The following MED12L variants were observed in gnomAD, a reference collection of about 807,000 sequenced individuals.
MED12L encodes the protein mediator complex subunit 12L.
In MED12L, 60 loss-of-function variants were observed where a neutral mutation model predicts 281.3. The ratio of observed to expected loss-of-function variants is 0.21; its 90% CI spans 0.17 to 0.26. The LOEUF (loss-of-function observed/expected upper bound fraction) is 0.26. Among genes scored for constraint, MED12L ranks in the 10% least tolerant of loss-of-function variants. The pLI is 1.00. For missense variants in MED12L, 2,146 were observed against 2,680.9 expected (o/e 0.80, Z 4.41); for synonymous variants, 974 against 987.2 (o/e 0.99, Z 0.25).
chr3:151,321,004 G>A (rs1748935554), intron 16 of MED12L, among the ~76,000 whole-genome samples: 1 of 152,134 alleles, frequency 6.6e-6, no homozygotes, highest in African/African-American at 2.4e-5. Context: ...ACAGTGTTTG[G>A]AACTTGGTTG....
chr3:151,252,867 A>G (rs1335948684), intron 16 of MED12L, among the ~76,000 whole-genome samples: 3 of 152,152 alleles, frequency 2.0e-5, no homozygotes, highest in African/African-American at 7.2e-5. Context: ...GGTTGTGTGG[A>G]TCAAACCTAG....
intron 16 of MED12L, among the ~76,000 whole-genome samples, chr3:151,202,865 G>A (rs866358420): frequency 6.6e-5 from 10 of 152,116 alleles, no homozygotes; most frequent in South Asian, 4.1e-4. Flanking sequence ...AGTTATGCTC[G>A]CTCAGGTATT....
At chr3:151,146,993 A>C (rs1033406633) in intron 5 of MED12L, among the ~76,000 whole-genome samples, 3 of 152,198 alleles carry the variant, frequency 2.0e-5, no homozygotes, top group Non-Finnish European at 4.4e-5. Flanking sequence ...ACTACTTTTC[A>C]TTCCCCATGT....
At chr3:151,423,033 A>T (rs556592551) in intron 43 of MED12L, among the ~76,000 whole-genome samples, 148 of 146,020 alleles carry the variant, frequency 1.0e-3, no homozygotes, top group African/African-American at 3.6e-3. Flanking sequence ...ATATATATAT[A>T]TTTTGAAACG....
intron 16 of MED12L, chr3:151,328,997 T>C (rs749980757): frequency 6.3e-7 from 1 of 1,592,644 alleles, no homozygotes; most frequent in South Asian, 1.1e-5. Flanking sequence ...GTTCATTGCT[T>C]CCAGTGTCAC....
chr3:151,097,066 C>A (rs757874619), intron 2 of MED12L, among the ~76,000 whole-genome samples: 11 of 152,178 alleles, frequency 7.2e-5, no homozygotes, highest in Non-Finnish European at 1.5e-4. Context: ...GTTCCCAGAC[C>A]TATCTGCAGC....
chr3:151,414,760 T>C (rs560469870), intron 42 of MED12L, among the ~76,000 whole-genome samples: 2 of 152,274 alleles, frequency 1.3e-5, no homozygotes, highest in Admixed American at 1.3e-4. Context: ...GGTAACCGAT[T>C]AGGAGAGTAT....
Position 151,378,015 on chromosome 3 carries a change from C to A in MED12L, c.4320C>A (p.Ser1440=). ...TAACACCTGTTTCTGATTTTAGTTC[C>A]TCCGAACGCAGGGGTGTATGGTTGG... The part of the protein sequence containing the change: ...RQNGIKTFLS[S]SERRGVWLVA... Residue 1440 remains serine, a synonymous_variant, in exon 31 of 45, where the codon TCC becomes TCA. Coordinates refer to ENST00000687756, the MANE Select transcript of MED12L (RefSeq NM_001393769.1). 6.3e-7 allele frequency: 1 copy of A among 1,595,134 alleles called. No homozygotes were observed. Among genetic ancestry groups the A allele is most frequent in the Non-Finnish European group, 8.6e-7 (1 of 1,168,810 alleles).
intron 6 of MED12L, among the ~76,000 whole-genome samples, chr3:151,157,641 A>G (rs1301654299): frequency 6.6e-6 from 1 of 152,178 alleles, no homozygotes; most frequent in Non-Finnish European, 1.5e-5. Context: ...CTTTTTAACT[A>G]TTTTTGACTG....
At position 151,368,696 on chromosome 3, in the gene MED12L, TTTCATTTCATTTCATTTC is replaced by T. The variant is rs1560087689; in HGVS notation, c.3550+446_3550+463del. ...TTTCATGTCATTTCATTTTATTTCA[TTTCATTTCATTTCATTTC>T]ATTTCATTTCATTTCATTTCATTTC... On this transcript the variant is annotated intron_variant, in intron 25 of 44. Transcript: ENST00000687756. Among the ~76,000 whole-genome samples, 42 of 54,858 alleles carry T rather than the reference TTTCATTTCATTTCATTTC, an allele frequency of 7.7e-4. 1 individual carries two copies. Among genetic ancestry groups the T allele is most frequent in the African/African-American group, 3.2e-3 (35 of 10,810 alleles). The allele number at this position is 54,858 out of a possible 152,430, so 36.0% of individuals were successfully genotyped here.
chr3:151,118,090 CAAA>C (rs778516389), intron 3 of MED12L, among the ~76,000 whole-genome samples: 2 of 87,810 alleles, frequency 2.3e-5, no homozygotes, highest in Non-Finnish European at 2.6e-5. Context: ...GACTCCATCT[CAAA>C]AAAAAAAAAA....
At chr3:151,192,709 C>G (rs1724146564) in intron 15 of MED12L, 55 bp downstream of exon 15, 1 of 1,071,932 alleles carries the variant, frequency 9.3e-7, no homozygotes. Context: ...GTTCCCATCC[C>G]AGCCTGTCTC....
chr3:151,124,929 T>A (rs1714287748), intron 4 of MED12L, among the ~76,000 whole-genome samples: 1 of 152,200 alleles, frequency 6.6e-6, no homozygotes, highest in Admixed American at 6.5e-5. Context: ...TCTTTTGCCT[T>A]TACCCTTGCT....
At chr3:151,214,365 C>T (rs1490917129) in intron 16 of MED12L, 4 of 1,487,242 alleles carry the variant, frequency 2.7e-6, no homozygotes, top group African/African-American at 2.8e-5. Context: ...GAACTGGTCA[C>T]TCATAGGGCA....
At chr3:151,393,475 A>C (rs1175834555) in intron 38 of MED12L, among the ~76,000 whole-genome samples, 1 of 152,094 alleles carries the variant, frequency 6.6e-6, no homozygotes, top group Non-Finnish European at 1.5e-5. Flanking sequence ...AAGTGGAGGG[A>C]TGACTTCTAG....
intron 26 of MED12L, among the ~76,000 whole-genome samples, chr3:151,371,638 T>G (rs978339801): frequency 6.6e-6 from 1 of 152,242 alleles, no homozygotes; most frequent in Non-Finnish European, 1.5e-5. Flanking sequence ...GGGCATTGTT[T>G]TGCCCACTTG....
At chr3:151,135,102 C>T (rs145061633) in intron 5 of MED12L, among the ~76,000 whole-genome samples, 297 of 152,036 alleles carry the variant, frequency 2.0e-3, no homozygotes, top group African/African-American at 6.6e-3. Flanking sequence ...TCTCGGCTCA[C>T]GCCAACCTCC....
chr3:151,247,217 G>C (rs1442686075), intron 16 of MED12L, among the ~76,000 whole-genome samples: 1 of 152,002 alleles, frequency 6.6e-6, no homozygotes, highest in Admixed American at 6.6e-5. Flanking sequence ...ATTCCTCAGG[G>C]ATCTAGAACT....
At chr3:151,230,442 TA>T (rs1164582872) in intron 16 of MED12L, among the ~76,000 whole-genome samples, 1 of 152,230 alleles carries the variant, frequency 6.6e-6, no homozygotes, top group African/African-American at 2.4e-5. Flanking sequence ...TTGCCTCAGG[TA>T]TAATACCTGT....
Sources: allele counts gnomAD v4.1 joint callset (sites outside exome capture counted in the v4.1 genomes callset), GRCh38; gene constraint gnomAD v4.1.1; transcripts MANE v1.5; gene names NCBI Gene and HGNC (gene_info 2026-07-23, HGNC 2026-07-21).